Variants in STON2 observed in about 807,000 individuals in gnomAD.
STON2 encodes the protein stonin 2, also known as stonin-2.
Under a neutral mutation model 65.7 loss-of-function variants are expected in STON2, and 29 were observed. That is an observed-to-expected ratio of 0.44 (90% confidence interval 0.33 to 0.60). The LOEUF is 0.60. Ranked by LOEUF, STON2 falls within the 20% of genes least tolerant of loss-of-function variation. STON2 has a pLI of 0.03. For synonymous variants in STON2, 404 were observed against 414.2 expected (o/e 0.98, Z 0.30); for missense variants, 1,054 against 1,118.1 (o/e 0.94, Z 0.82).
chr14:81,341,283 G>C (rs1897597870), intron 4 of STON2, among the ~76,000 whole-genome samples: 1 of 152,080 alleles, frequency 6.6e-6, no homozygotes, highest in African/African-American at 2.4e-5. Flanking sequence ...CCTTCTATTT[G>C]ATAGGCCTGA....
At chr14:81,271,959 C>T (rs895627796) in intron 6 of STON2, among the ~76,000 whole-genome samples, 1 of 152,136 alleles carries the variant, frequency 6.6e-6, no homozygotes, top group Non-Finnish European at 1.5e-5. Context: ...TAGAAAGTGG[C>T]AGAGCTAAAA....
intron 5 of STON2, among the ~76,000 whole-genome samples, chr14:81,297,938 G>T (rs958048132): frequency 6.6e-6 from 1 of 152,232 alleles, no homozygotes; most frequent in South Asian, 2.1e-4. Flanking sequence ...TCGGGAGGCT[G>T]AGGCAGGAGA....
intron 2 of STON2, chr14:81,412,895 G>C: frequency 5.1e-6 from 3 of 583,612 alleles, no homozygotes; most frequent in Non-Finnish European, 8.7e-6. Flanking sequence ...AGCGATGGCA[G>C]CTCCAGCCGG....
At chr14:81,286,889 G>A (rs1188495634) in intron 5 of STON2, among the ~76,000 whole-genome samples, 1 of 152,154 alleles carries the variant, frequency 6.6e-6, no homozygotes, top group Non-Finnish European at 1.5e-5. Flanking sequence ...GTCAAGTCCT[G>A]CTTTTAATTT....
intron 3 of STON2, among the ~76,000 whole-genome samples, chr14:81,375,827 T>A (rs953694867): frequency 2.0e-5 from 3 of 151,572 alleles, no homozygotes; most frequent in African/African-American, 4.8e-5. Context: ...AAAATTGGTA[T>A]ACAGACCACA....
At chr14:81,383,120 G>C (rs1302550255) in intron 3 of STON2, among the ~76,000 whole-genome samples, 3 of 152,188 alleles carry the variant, frequency 2.0e-5, no homozygotes, top group Non-Finnish European at 4.4e-5. Context: ...CATCCAGCTT[G>C]AAGGAATAAA....
At chr14:81,375,833 C>A (rs1899227550) in intron 3 of STON2, among the ~76,000 whole-genome samples, 1 of 150,374 alleles carries the variant, frequency 6.7e-6, no homozygotes, top group Admixed American at 6.7e-5. Flanking sequence ...GGTATACAGA[C>A]CACAAATACT....
intron 4 of STON2, among the ~76,000 whole-genome samples, chr14:81,363,700 T>C (rs1204356893): frequency 6.6e-6 from 1 of 152,218 alleles, no homozygotes; most frequent in African/African-American, 2.4e-5. Flanking sequence ...TGAGTATCTC[T>C]GACGTTTGTA....
At chr14:81,431,290 C>G (rs1336587725) in intron 1 of STON2, among the ~76,000 whole-genome samples, 1 of 152,136 alleles carries the variant, frequency 6.6e-6, no homozygotes. Flanking sequence ...AAATCTCACT[C>G]ACTTCATTTT....
At chr14:81,342,937 C>A (rs750308840) in intron 4 of STON2, among the ~76,000 whole-genome samples, 6 of 152,198 alleles carry the variant, frequency 3.9e-5, no homozygotes, top group African/African-American at 1.4e-4. Context: ...CTGCTTTCCA[C>A]TGGCCCCAAC....
chr14:81,264,192 T>C lies in STON2; in HGVS notation c.*4222A>G, dbSNP rs75913204. 2,505 of 985,428 alleles carry C rather than the reference T, an allele frequency of 2.5e-3. 57 individuals are homozygous for C. The African/African-American group carries it at 0.041, about 16-fold the overall frequency. 61.0% of individuals were successfully genotyped at this position (985,428 alleles called of 1,614,324 possible). On this transcript the variant is annotated 3_prime_UTR_variant, in exon 8 of 8. Coordinates refer to ENST00000614646, the MANE Select transcript of STON2 (RefSeq NM_001394390.1). ...ATGCTTTGGGGCACAAAAATGTTTT[T>C]CAATGTGAATGAGGTACATTGTAGT...
chr14:81,387,258 T>C (rs1899857808), intron 3 of STON2, among the ~76,000 whole-genome samples: 1 of 152,100 alleles, frequency 6.6e-6, no homozygotes, highest in Non-Finnish European at 1.5e-5. Flanking sequence ...TCAGTTAAAT[T>C]TGTTGACATT....
At chr14:81,347,452 G>C (rs965570622) in intron 4 of STON2, among the ~76,000 whole-genome samples, 2 of 151,706 alleles carry the variant, frequency 1.3e-5, no homozygotes, top group Non-Finnish European at 2.9e-5. Flanking sequence ...ACAAAGAAAA[G>C]CCCAGGGTCA....
At chr14:81,396,214 A>C (rs755768819) in intron 2 of STON2, 36 bp from the exon 3 acceptor site, 1 of 1,559,838 alleles carries the variant, frequency 6.4e-7, no homozygotes, top group South Asian at 1.2e-5. Context: ...TCATGTGAGG[A>C]AGGCCGCTCT....
intron 4 of STON2, among the ~76,000 whole-genome samples, chr14:81,336,081 A>C (rs1273154522): frequency 6.6e-6 from 1 of 152,100 alleles, no homozygotes; most frequent in Non-Finnish European, 1.5e-5. Flanking sequence ...CTAAAGAAAA[A>C]ACTGCCCTTG....
At chr14:81,307,556 T>C (rs1010431437) in intron 5 of STON2, among the ~76,000 whole-genome samples, 4 of 152,224 alleles carry the variant, frequency 2.6e-5, no homozygotes, top group African/African-American at 9.6e-5. Context: ...CTCAATCTTC[T>C]TGTAAATGAG....
intron 6 of STON2, 66 bp downstream of exon 6, chr14:81,276,835 G>A: frequency 6.5e-7 from 1 of 1,538,152 alleles, no homozygotes; most frequent in South Asian, 1.3e-5. Flanking sequence ...TACAGGATGT[G>A]GAACTTTGAT....
At chr14:81,300,936 T>C (rs1293524783) in intron 5 of STON2, among the ~76,000 whole-genome samples, 1 of 152,154 alleles carries the variant, frequency 6.6e-6, no homozygotes, top group Non-Finnish European at 1.5e-5. Flanking sequence ...CAAATGCCTA[T>C]CAATAGGAGA....
intron 5 of STON2, among the ~76,000 whole-genome samples, chr14:81,299,963 T>C (rs1262016417): frequency 1.3e-5 from 2 of 151,958 alleles, no homozygotes; most frequent in African/African-American, 2.4e-5. Context: ...ATTTTTTTGA[T>C]AGTTGGTCAA....
Sources: gnomAD v4.1 joint callset for allele counts (sites outside exome capture counted in the v4.1 genomes callset) on GRCh38, gnomAD v4.1.1 for gene constraint, MANE v1.5 for transcripts, NCBI Gene and HGNC (gene_info 2026-07-23, HGNC 2026-07-21) for gene names.